The following TSPAN9 variants were observed in gnomAD, a reference collection of about 807,000 sequenced individuals.
The protein encoded by TSPAN9 is tetraspanin-9.
In TSPAN9, 16 loss-of-function variants were observed where a neutral mutation model predicts 31.0. That is an observed-to-expected ratio of 0.52 (90% CI 0.35 to 0.78). The LOEUF is 0.78. Ranked by LOEUF, TSPAN9 falls within the 30% of genes least tolerant of loss-of-function variation. The pLI, the probability that TSPAN9 is intolerant of heterozygous loss-of-function variation, is 0.01. For synonymous variants in TSPAN9, 145 were observed against 121.6 expected, an observed-to-expected ratio of 1.19 and a Z score of -1.27; for missense variants, 272 against 312.5, an observed-to-expected ratio of 0.87 and a Z score of 0.98.
At chr12:3,236,238 C>T (rs1295501583) in intron 3 of TSPAN9, among the ~76,000 whole-genome samples, 2 of 152,250 alleles carry the variant, frequency 1.3e-5, no homozygotes, top group Non-Finnish European at 1.5e-5. Context: ...ATCTTCCTCA[C>T]TGGTGGAGAG....
chr12:3,110,256 C>T (rs1024349753), intron 2 of TSPAN9, among the ~76,000 whole-genome samples: 2 of 152,124 alleles, frequency 1.3e-5, no homozygotes, highest in South Asian at 2.1e-4. Context: ...TCCATAGGCT[C>T]CTGGGCACAG....
At chr12:3,199,845 C>T (rs1394553616) in intron 2 of TSPAN9, 2 of 152,514 alleles carry the variant, frequency 1.3e-5, no homozygotes, top group East Asian at 3.9e-4. Flanking sequence ...TAGCCAGACC[C>T]ACGTGTGCAA....
At chr12:3,133,887 G>A (rs2098330921) in intron 2 of TSPAN9, among the ~76,000 whole-genome samples, 1 of 152,158 alleles carries the variant, frequency 6.6e-6, no homozygotes, top group East Asian at 1.9e-4. Context: ...AGCCACCCAG[G>A]CGCAGTTTCT....
chr12:3,277,885 C>T (rs1270325378), intron 3 of TSPAN9, among the ~76,000 whole-genome samples: 1 of 152,260 alleles, frequency 6.6e-6, no homozygotes, highest in Non-Finnish European at 1.5e-5. Context: ...GTTCTTCAGA[C>T]TCCAGTGGAC....
chr12:3,243,167 T>A (rs1423241074), intron 3 of TSPAN9, among the ~76,000 whole-genome samples: 2 of 152,188 alleles, frequency 1.3e-5, no homozygotes, highest in Non-Finnish European at 2.9e-5. Context: ...TTGGTTTCCC[T>A]TGAGCTTTTC....
At chr12:3,205,608 A>G (rs998512370) in intron 3 of TSPAN9, among the ~76,000 whole-genome samples, 3 of 151,970 alleles carry the variant, frequency 2.0e-5, no homozygotes, top group Non-Finnish European at 2.9e-5. Context: ...AAACAGGAGT[A>G]GTGAGTGGGC....
intron 3 of TSPAN9, among the ~76,000 whole-genome samples, chr12:3,214,624 G>A (rs550789907): frequency 1.3e-5 from 2 of 151,610 alleles, no homozygotes; most frequent in East Asian, 3.9e-4. Flanking sequence ...GGCCTGGGCA[G>A]GAGATGGGGC....
intron 2 of TSPAN9, among the ~76,000 whole-genome samples, chr12:3,164,936 G>A (rs1169733422): frequency 6.6e-6 from 1 of 152,206 alleles, no homozygotes; most frequent in East Asian, 1.9e-4. Flanking sequence ...ACATTTCAGA[G>A]CCTTGAACGT....
intron 2 of TSPAN9, among the ~76,000 whole-genome samples, chr12:3,156,430 C>T (rs1288795729): frequency 6.6e-6 from 1 of 151,656 alleles, no homozygotes; most frequent in Non-Finnish European, 1.5e-5. Context: ...CATCTCCTGT[C>T]TTCTTGATAG....
In TSPAN9 at chr12:3,280,527, G is replaced by T; in HGVS notation, c.432+44G>T. On this transcript the variant is annotated intron_variant, in intron 6 of 8. Transcript: ENST00000011898. This position sits in a 1 kb window ranked among gnomAD's most constrained non-coding sequence, Gnocchi z 4.5. ...TGGTGGGGCCAGGCAGGGAGGAGGG[G>T]TGGCGGCCGGTACTTCTAGCTGCCT... is the stretch of plus-strand genomic sequence containing the variant. The T allele has an allele frequency of 6.4e-7, 1 of 1,561,306 alleles. No individual in the cohort carries two copies. Among genetic ancestry groups the T allele is most frequent in the Non-Finnish European group, 8.7e-7 (1 of 1,146,092 alleles).
At chr12:3,137,579 C>G (rs139293922) in intron 2 of TSPAN9, among the ~76,000 whole-genome samples, 33 of 152,298 alleles carry the variant, frequency 2.2e-4, no homozygotes, top group African/African-American at 7.9e-4. Context: ...TCAAAGGCTT[C>G]TGCTTTCCAG....
chr12:3,224,390 G>C (rs1325234862), intron 3 of TSPAN9, among the ~76,000 whole-genome samples: 2 of 152,262 alleles, frequency 1.3e-5, no homozygotes, highest in Non-Finnish European at 2.9e-5. Flanking sequence ...TGGAGCGTCA[G>C]AGAGGGGAGA....
intron 3 of TSPAN9, among the ~76,000 whole-genome samples, chr12:3,222,815 A>AC (rs976456998): frequency 1.3e-5 from 2 of 150,808 alleles, no homozygotes; most frequent in Non-Finnish European, 3.0e-5. Context: ...TCCTTAAACC[A>AC]CCCCCCAGGT....
At chr12:3,188,756 C>G (rs973118567) in intron 2 of TSPAN9, among the ~76,000 whole-genome samples, 1 of 152,104 alleles carries the variant, frequency 6.6e-6, no homozygotes, top group African/African-American at 2.4e-5. Context: ...CTGTAGATGG[C>G]TGGATCTGGT....
intron 2 of TSPAN9, among the ~76,000 whole-genome samples, chr12:3,112,466 G>A (rs1332962787): frequency 1.3e-5 from 2 of 151,748 alleles, no homozygotes; most frequent in African/African-American, 4.8e-5. Context: ...ATAAGCCACC[G>A]CGCCTGGCCT....
intron 3 of TSPAN9, among the ~76,000 whole-genome samples, chr12:3,227,667 A>T (rs1469328029): frequency 6.6e-6 from 1 of 151,926 alleles, no homozygotes; most frequent in Non-Finnish European, 1.5e-5. Flanking sequence ...TCTCACACGG[A>T]CTCACACTCC....
Position 3,280,145 on chromosome 12 carries a change from G to A in TSPAN9, c.331-237G>A, listed in dbSNP as rs1862866483. On this transcript the variant is annotated intron_variant, in intron 5 of 8. Transcript: ENST00000011898. The surrounding 1 kb of genome is among the most constrained non-coding windows in gnomAD (Gnocchi z 4.5). Reference sequence around the variant, plus strand: ...GCCCTGAGTTTAGCTCTGCCGGGAGGCGGTGGGTGCACCAGGGCCTGCTGT... The same window carrying A: ...GCCCTGAGTTTAGCTCTGCCGGGAGACGGTGGGTGCACCAGGGCCTGCTGT... Among the ~76,000 whole-genome samples the A allele has an allele frequency of 6.6e-6, 1 of 152,086 alleles. No individual in the cohort carries two copies. Among genetic ancestry groups the A allele is most frequent in the Non-Finnish European group, 1.5e-5 (1 of 67,992 alleles).
At chr12:3,253,993 G>A (rs1862301443) in intron 3 of TSPAN9, among the ~76,000 whole-genome samples, 1 of 152,210 alleles carries the variant, frequency 6.6e-6, no homozygotes, top group African/African-American at 2.4e-5. Flanking sequence ...GGGGAGTGGA[G>A]GGATAAGGAT....
chr12:3,132,206 T>C lies in TSPAN9; in HGVS notation c.-18+48487T>C, dbSNP rs144126901. ...TGGGTTGTTTCCACCTTTGGGCTGT[T>C]GTAAATAGAGCTGCTATGAACATTC... On this transcript the variant is annotated intron_variant, in intron 2 of 8. Coordinates refer to ENST00000011898, the MANE Select transcript of TSPAN9 (RefSeq NM_006675.5). Among the ~76,000 whole-genome samples, 398 of 152,346 alleles carry C rather than the reference T, an allele frequency of 2.6e-3. 1 individual carries two copies. Among genetic ancestry groups the C allele is most frequent in the African/African-American group, 6.3e-3 (261 of 41,580 alleles).
Sources: allele counts gnomAD v4.1 joint callset (sites outside exome capture counted in the v4.1 genomes callset), GRCh38; gene constraint gnomAD v4.1.1; non-coding constraint Gnocchi (gnomAD v3.1); transcripts MANE v1.5; gene names NCBI Gene and HGNC (gene_info 2026-07-23, HGNC 2026-07-21).